Variants in SLC7A3 observed in about 807,000 individuals in gnomAD.
SLC7A3 encodes the protein solute carrier family 7 member 3, also known as cationic amino acid transporter 3.
SLC7A3 carries 3 observed loss-of-function variants against 33.2 expected under a neutral mutation model. That is an observed-to-expected ratio of 0.09 (90% CI 0.04 to 0.23). The LOEUF is 0.23. Ranked by LOEUF, SLC7A3 falls within the 10% of genes least tolerant of loss-of-function variation. SLC7A3 has a pLI of 1.00. For synonymous variants in SLC7A3, 193 were observed against 195.1 expected (o/e 0.99, Z 0.09); for missense variants, 360 against 488.8 (o/e 0.74, Z 2.48).
chrX:70,929,617 C>A lies in SLC7A3; in HGVS notation c.370+11G>T. The A allele has an allele frequency of 8.3e-7, 1 of 1,200,490 alleles. No individual in the cohort carries two copies. The highest frequency in any genetic ancestry group is 2.2e-5 in the Admixed American group (1 of 45,135). Reference sequence around the variant, plus strand: ...GCTGTGCAGTTCCCTCCCTCCCCCACCATATCTCACCAATGACATAGGAGA... The same window carrying A: ...GCTGTGCAGTTCCCTCCCTCCCCCAACATATCTCACCAATGACATAGGAGA... On this transcript the variant is annotated intron_variant, in intron 2 of 11. Transcript: ENST00000374299.
chrX:70,928,523 C>T lies in SLC7A3; in HGVS notation c.640G>A (p.Val214Met), dbSNP rs747729355. 3.3e-6 allele frequency: 4 copies of T among 1,203,522 alleles called. No homozygotes were observed. The highest frequency in any genetic ancestry group is 3.0e-5 in the East Asian group (1 of 33,617). ...TCTTCTGTGAGCTTCCAGTTGTGCACGTCCCCCTTAACGAAGCCAGAGATC... is the reference window on the plus strand; with the variant it reads ...TCTTCTGTGAGCTTCCAGTTGTGCATGTCCCCCTTAACGAAGCCAGAGATC... ...VMISGFVKGD[V>M]HNWKLTEEDY... The change falls in exon 4 of 12, where the codon GTG (valine) becomes ATG (methionine). Residue 214 changes from valine (V) to methionine (M), a missense_variant. Val to Met is a conservative substitution (Grantham distance 21). Coordinates refer to ENST00000374299, the MANE Select transcript of SLC7A3 (RefSeq NM_032803.6).
chrX:70,928,637 T>C lies in SLC7A3; in HGVS notation c.530-4A>G. The C allele has an allele frequency of 8.4e-7, 1 of 1,194,686 alleles. No individual in the cohort carries two copies. The highest frequency in any genetic ancestry group is 1.7e-5 in the African/African-American group (1 of 57,266). On this transcript the variant is annotated splice_region_variant and splice_polypyrimidine_tract_variant and intron_variant, in intron 3 of 11. Transcript: ENST00000374299. The stretch of plus-strand genomic sequence containing the variant: ...CTAGCCCCGAGAGCCAACAATCCTG[T>C]GGGAGAAATGCATTCAGGACTCCCA...
chrX:70,929,524 A>C, intron 2 of SLC7A3, 104 bp downstream of exon 2: 1 of 967,535 alleles, frequency 1.0e-6, no homozygotes, highest in Non-Finnish European at 1.4e-6. Flanking sequence ...ATTTAGGGAG[A>C]TTGAGGTCCT....
chrX:70,926,234 T>A, intron 10 of SLC7A3, 56 bp from the exon 11 acceptor site: 2 of 1,035,153 alleles, frequency 1.9e-6, no homozygotes, highest in Admixed American at 2.5e-5. Context: ...TAGAAAGAGA[T>A]CCCTATCCTA....
At chrX:70,930,061 A>G (rs1321886512) in intron 1 of SLC7A3, 39 bp from the exon 2 acceptor site, 1 of 1,132,736 alleles carries the variant, frequency 8.8e-7, no homozygotes, top group East Asian at 3.0e-5. Flanking sequence ...GACAGGGCTC[A>G]TTATCCCTAA....
chrX:70,928,265 G>A lies in SLC7A3; in HGVS notation c.708-8C>T, dbSNP rs200150436. 2 of 1,197,387 alleles carry A rather than the reference G, an allele frequency of 1.7e-6. No individual in the cohort carries two copies. The highest frequency in any genetic ancestry group is 2.3e-6 in the Non-Finnish European group (2 of 883,026). On this transcript the variant is annotated splice_polypyrimidine_tract_variant and splice_region_variant and intron_variant, in intron 4 of 11. Transcript: ENST00000374299. ...GAGCCCAGAGGACCCAAGCTAGAGT[G>A]GAAGAAGGGTTGGAGAAGGTAAGGG...
At chrX:70,927,644 G>A (rs775236626) in intron 6 of SLC7A3, 21 bp from the exon 7 acceptor site, 1 of 1,204,036 alleles carries the variant, frequency 8.3e-7, no homozygotes, top group South Asian at 1.8e-5. Flanking sequence ...GAATGCCCAG[G>A]GTGGCATGAG....
Position 70,928,007 on chromosome X carries a change from C to T in SLC7A3, c.834G>A (p.Gln278=). ...CCATCGGGATGGAACGCTGGGGATT[C>T]TGGGCTTCTTCTCCTGAAGGAAGGG... ...DCIATTGEEA[Q]NPQRSIPMGI... Residue 278 remains glutamine (Q), a synonymous_variant, in exon 6 of 12, where the codon CAG becomes CAA. Coordinates refer to ENST00000374299, the MANE Select transcript of SLC7A3 (RefSeq NM_032803.6). 1.7e-6 allele frequency: 2 copies of T among 1,211,248 alleles called. No homozygotes were observed. The highest frequency in any genetic ancestry group is 2.2e-6 in the Non-Finnish European group (2 of 895,220).
At chrX:70,929,058 G>A in intron 2 of SLC7A3, 56 bp from the exon 3 acceptor site, 1 of 1,106,517 alleles carries the variant, frequency 9.0e-7, no homozygotes, top group African/African-American at 1.8e-5. Flanking sequence ...CAGACCCCAG[G>A]CTCACACAAG....
At chrX:70,927,741 C>T in intron 6 of SLC7A3, 57 bp downstream of exon 6, 1 of 1,152,968 alleles carries the variant, frequency 8.7e-7, no homozygotes, top group East Asian at 3.2e-5. Flanking sequence ...TTCTCTGGTA[C>T]TGAATGCTAT....
intron 8 of SLC7A3, 100 bp downstream of exon 8, chrX:70,927,182 T>C (rs1171451237): frequency 9.3e-7 from 1 of 1,070,792 alleles, no homozygotes. Context: ...TCAAAGAAAG[T>C]TGGAATAATG....
chrX:70,928,269 G>T lies in SLC7A3; in HGVS notation c.708-12C>A. ...CCAGAGGACCCAAGCTAGAGTGGAA[G>T]AAGGGTTGGAGAAGGTAAGGGTGTG... is the stretch of plus-strand genomic sequence containing the variant. On this transcript the variant is annotated splice_polypyrimidine_tract_variant and intron_variant, in intron 4 of 11. Transcript: ENST00000374299. 5.0e-6 allele frequency: 6 copies of T among 1,192,936 alleles called. No homozygotes were observed. Among genetic ancestry groups the T allele is most frequent in the Non-Finnish European group, 6.8e-6 (6 of 879,095 alleles).
Position 70,929,780 on chromosome X carries a change from G to A in SLC7A3, c.218C>T (p.Ala73Val). Residue 73 changes from alanine (A) to valine (V), a missense_variant, in exon 2 of 12, where the codon GCT becomes GTT. Coordinates refer to ENST00000374299, the MANE Select transcript of SLC7A3 (RefSeq NM_032803.6). The stretch of plus-strand genomic sequence containing the variant: ...CCCAGCCAACACAGAAGACAGGGCA[G>A]CCACCAAAAAGCAGATCACAATGGA... ...GPSIVICFLV[A>V]ALSSVLAGLC... 1 of 1,210,500 alleles carries A rather than the reference G, an allele frequency of 8.3e-7. No homozygotes were observed.
At chrX:70,928,696 T>C (rs2091903201) in intron 3 of SLC7A3, 63 bp from the exon 4 acceptor site, 2 of 1,126,788 alleles carry the variant, frequency 1.8e-6, no homozygotes, top group South Asian at 4.2e-5. Context: ...TTTCCCTGCC[T>C]CTAGGTTCCT....
chrX:70,928,766 C>T lies in SLC7A3; in HGVS notation c.529+78G>A, dbSNP rs1444478260. On this transcript the variant is annotated intron_variant, in intron 3 of 11. Transcript: ENST00000374299. The stretch of plus-strand genomic sequence containing the variant: ...CCCTTAAGCCTTTCTCAGGCCCATC[C>T]CCCATCCTTATCCCTGGCCCCAAGG... The T allele has an allele frequency of 6.9e-6, 8 of 1,162,667 alleles. No homozygotes were observed. The African/African-American group carries it at 1.4e-4, about 21-fold the overall frequency.
Position 70,928,939 on chromosome X carries a change from G to A in SLC7A3, c.434C>T (p.Ser145Phe), listed in dbSNP as rs755932893. The A allele has an allele frequency of 6.6e-6, 8 of 1,209,725 alleles. No individual in the cohort carries two copies. The South Asian group carries it at 1.4e-4, about 21-fold the overall frequency. ...AFDNLIGNHI[S>F]KTLQGSIALH... is the part of the protein sequence containing the mutation. ...TGCAATGGACCCCTGCAGAGTCTTA[G>A]AGATGTGGTTCCCAATCAGGTTGTC... The change falls in exon 3 of 12, where the codon TCT becomes TTT. Residue 145 changes from serine to phenylalanine, a missense_variant. Coordinates refer to ENST00000374299, the MANE Select transcript of SLC7A3 (RefSeq NM_032803.6).
intron 2 of SLC7A3, among the ~76,000 whole-genome samples, chrX:70,929,379 C>CT (rs1326279421): frequency 1.8e-5 from 2 of 111,847 alleles, no homozygotes; most frequent in Non-Finnish European, 3.8e-5. Context: ...GCGTGAGCCA[C>CT]TGCACCTGGC....
At position 70,926,061 on chromosome X, in the gene SLC7A3, G is replaced by A; in HGVS notation, c.1729+9C>T. ...CAAAGAAGCCTACTCTTCCCAAGTG[G>A]ATACCTACCAATCAGCATCCAGACC... is the stretch of plus-strand genomic sequence containing the variant. On this transcript the variant is annotated intron_variant, in intron 11 of 11. Transcript: ENST00000374299. 2 of 1,208,262 alleles carry A rather than the reference G, an allele frequency of 1.7e-6. No individual in the cohort carries two copies. The highest frequency in any genetic ancestry group is 2.2e-6 in the Non-Finnish European group (2 of 892,563).
At chrX:70,930,248 G>A (rs1299326683) in intron 1 of SLC7A3, among the ~76,000 whole-genome samples, 1 of 111,962 alleles carries the variant, frequency 8.9e-6, no homozygotes, top group Non-Finnish European at 1.9e-5. Context: ...TTCAGAAATG[G>A]CACGTGAAAG....
Sources: allele counts gnomAD v4.1 joint callset (sites outside exome capture counted in the v4.1 genomes callset), GRCh38; gene constraint gnomAD v4.1.1; transcripts MANE v1.5; gene names NCBI Gene and HGNC (gene_info 2026-07-23, HGNC 2026-07-21).